The following SMARCAL1 variants were observed in gnomAD, a reference collection of about 807,000 sequenced individuals.
The protein encoded by SMARCAL1 is SNF2 related chromatin remodeling annealing helicase 1, also known as ATP-driven annealing helicase.
A neutral mutation model predicts 94.5 loss-of-function variants in SMARCAL1; 58 were observed. The observed-to-expected ratio is 0.61, with a 90% CI of 0.50 to 0.76. The LOEUF is 0.76. Among genes scored for constraint, SMARCAL1 ranks in the 30% least tolerant of loss-of-function variants. The pLI is 0.00. For synonymous variants in SMARCAL1, 422 were observed against 455.1 expected (o/e 0.93, Z 0.93); for missense variants, 1,051 against 1,177.9 (o/e 0.89, Z 1.58).
At chr2:216,449,995 G>A (rs773055801) in intron 11 of SMARCAL1, among the ~76,000 whole-genome samples, 19 of 152,090 alleles carry the variant, frequency 1.2e-4, no homozygotes, top group East Asian at 7.7e-4. Context: ...ATGCTACCAC[G>A]CCGGCTAATT....
chr2:216,474,530 G>A (rs553663357), intron 14 of SMARCAL1, among the ~76,000 whole-genome samples: 84 of 150,946 alleles, frequency 5.6e-4, no homozygotes, highest in African/African-American at 1.6e-3. Context: ...CGAGGCAGGC[G>A]GATCACCTGA....
Position 216,435,413 on chromosome 2 carries a change from GCT to G in SMARCAL1, c.1562_1563del (p.Ala521GlyfsTer9). ...GGTGACTGGGAAGGACCGCCTGACA[GCT>G]GGCCTGATCAACATTGTCAGCTTTG... ...VVVTGKDRLTAGLINIVSFDL... is the reference protein window; with the variant it reads ...VVVTGKDRLTXGLINIVSFDL... On this transcript the variant is annotated frameshift_variant, in exon 9 of 18. Transcript: ENST00000357276. LOFTEE classifies it high-confidence loss of function. 1 of 1,614,166 alleles carries G rather than the reference GCT, an allele frequency of 6.2e-7. No homozygotes were observed. Among genetic ancestry groups the G allele is most frequent in the East Asian group, 2.2e-5 (1 of 44,884 alleles).
chr2:216,434,688 G>T (rs540731672), intron 8 of SMARCAL1, among the ~76,000 whole-genome samples: 1 of 151,478 alleles, frequency 6.6e-6, no homozygotes, highest in South Asian at 2.1e-4. Flanking sequence ...AAAAAAGAAA[G>T]AAAGAAATTA....
At chr2:216,476,641 T>C (rs1695087365) in intron 15 of SMARCAL1, among the ~76,000 whole-genome samples, 1 of 152,204 alleles carries the variant, frequency 6.6e-6, no homozygotes, top group Non-Finnish European at 1.5e-5. Flanking sequence ...GGCTTACCAC[T>C]ATATTAAACC....
Position 216,450,548 on chromosome 2 carries a change from A to G in SMARCAL1, c.1852-298A>G, listed in dbSNP as rs116435057. 1.0e-3 allele frequency among the ~76,000 whole-genome samples: 158 copies of G among 152,364 alleles called. 1 individual carries two copies. The highest frequency in any genetic ancestry group is 3.7e-3 in the African/African-American group (153 of 41,580). ...AGTTTTTTGTTTGTTTTTTAATAAA[A>G]TGGACACCCAATTGCTTGACTTCTG... On this transcript the variant is annotated intron_variant, in intron 11 of 17. Transcript: ENST00000357276.
chr2:216,432,605 G>C, intron 7 of SMARCAL1, 113 bp from the exon 8 acceptor site: 1 of 1,283,068 alleles, frequency 7.8e-7, no homozygotes, highest in Non-Finnish European at 1.1e-6. Flanking sequence ...GGTGGGCTGG[G>C]CCCGGGCTGG....
At chr2:216,432,517 T>TTCTC (rs749148726) in intron 7 of SMARCAL1, among the ~76,000 whole-genome samples, 2 of 151,192 alleles carry the variant, frequency 1.3e-5, no homozygotes, top group Non-Finnish European at 3.0e-5. Flanking sequence ...TTTTTGGGCT[T>TTCTC]TCTCTCTCTC....
At chr2:216,421,140 T>G (rs1235563122) in intron 5 of SMARCAL1, among the ~76,000 whole-genome samples, 1 of 152,146 alleles carries the variant, frequency 6.6e-6, no homozygotes, top group African/African-American at 2.4e-5. Context: ...AAAGCACCGA[T>G]GCCTGGTTCT....
intron 8 of SMARCAL1, among the ~76,000 whole-genome samples, chr2:216,434,043 G>A (rs1254598430): frequency 6.7e-6 from 1 of 149,618 alleles, no homozygotes; most frequent in Non-Finnish European, 1.5e-5. Context: ...GTCTCATTAT[G>A]TTGCCCAGGC....
chr2:216,452,489 A>AT (rs3836028), intron 12 of SMARCAL1, among the ~76,000 whole-genome samples: 36,387 of 151,414 alleles, frequency 0.24, 5,362 homozygotes, highest in Non-Finnish European at 0.32. Flanking sequence ...ATAAAATGTT[A>AT]TTTTTTTTGC....
chr2:216,446,798 T>C (rs1340240811), intron 10 of SMARCAL1: 33 of 672,342 alleles, frequency 4.9e-5, no homozygotes, highest in African/African-American at 1.9e-4. Context: ...CAATGTAATA[T>C]GTTAAGTACT....
intron 15 of SMARCAL1, 78 bp from the exon 16 acceptor site, chr2:216,477,031 G>A (rs1285318572): frequency 8.7e-7 from 1 of 1,148,604 alleles, no homozygotes; most frequent in Non-Finnish European, 1.3e-6. Context: ...GAAATGGGGT[G>A]GAGAGGAACC....
intron 12 of SMARCAL1, among the ~76,000 whole-genome samples, chr2:216,461,350 G>A (rs1283671069): frequency 1.3e-5 from 2 of 151,720 alleles, no homozygotes; most frequent in Non-Finnish European, 2.9e-5. Context: ...AATTATGTGT[G>A]TATATGTTGC....
chr2:216,449,540 GA>G (rs1435870826), intron 11 of SMARCAL1, among the ~76,000 whole-genome samples: 1 of 152,158 alleles, frequency 6.6e-6, no homozygotes, highest in African/African-American at 2.4e-5. Flanking sequence ...TTAAAAAGAA[GA>G]AACAGCTTTA....
chr2:216,456,764 T>G (rs371650355), intron 12 of SMARCAL1, among the ~76,000 whole-genome samples: 1 of 152,182 alleles, frequency 6.6e-6, no homozygotes, highest in South Asian at 2.1e-4. Flanking sequence ...AGACCATCAA[T>G]GCTAGGAAGA....
intron 12 of SMARCAL1, among the ~76,000 whole-genome samples, chr2:216,463,857 A>G (rs941851291): frequency 3.9e-5 from 6 of 152,220 alleles, no homozygotes; most frequent in African/African-American, 1.4e-4. Flanking sequence ...AGCCTGGCCA[A>G]CATGGTGAAA....
chr2:216,419,986 G>A (rs1693678780), intron 4 of SMARCAL1, among the ~76,000 whole-genome samples: 1 of 142,834 alleles, frequency 7.0e-6, no homozygotes, highest in African/African-American at 2.6e-5. Flanking sequence ...CCATGATCAC[G>A]GCACTGCACT....
chr2:216,451,236 T>C, intron 12 of SMARCAL1, 172 bp downstream of exon 12: 1 of 657,962 alleles, frequency 1.5e-6, no homozygotes, highest in Non-Finnish European at 2.7e-6. Flanking sequence ...ACCTAGTCAG[T>C]TTTGAAAAAT....
intron 12 of SMARCAL1, among the ~76,000 whole-genome samples, chr2:216,462,068 T>A (rs1185334175): frequency 6.6e-6 from 1 of 152,072 alleles, no homozygotes; most frequent in Non-Finnish European, 1.5e-5. Flanking sequence ...TTAAAGGGGG[T>A]TGGTACGTTT....
Sources: allele counts gnomAD v4.1 joint callset (sites outside exome capture counted in the v4.1 genomes callset), GRCh38; gene constraint gnomAD v4.1.1; transcripts MANE v1.5; gene names NCBI Gene and HGNC (gene_info 2026-07-23, HGNC 2026-07-21).